The following CPED1 variants were observed in gnomAD, a reference collection of about 807,000 sequenced individuals.
The protein encoded by CPED1 is cadherin like and PC-esterase domain containing 1, also known as cadherin-like and PC-esterase domain-containing protein 1.
CPED1 carries 114 observed loss-of-function variants against 128.2 expected under a neutral mutation model. The ratio of observed to expected loss-of-function variants is 0.89; its 90% CI spans 0.76 to 1.04. The LOEUF (loss-of-function observed/expected upper bound fraction) is 1.04, where lower values mean the gene tolerates loss of function less well. Among genes scored for constraint, CPED1 ranks in the 50% least tolerant of loss-of-function variants. The probability of loss-of-function intolerance (pLI) is 0.00; values close to 1 mark genes in which losing one functional copy is unlikely to be tolerated. For missense variants in CPED1, 1,211 were observed against 1,207.1 expected (o/e 1.00, Z -0.05); for synonymous variants, 462 against 426.7 (o/e 1.08, Z -1.02).
At chr7:121,129,975 A>G (rs1408453147) in intron 11 of CPED1, 150 bp from the exon 12 acceptor site, 2 of 602,510 alleles carry the variant, frequency 3.3e-6, no homozygotes, top group Non-Finnish European at 5.4e-6. Flanking sequence ...TACATCAACA[A>G]CTTTGCAGAA....
intron 14 of CPED1, among the ~76,000 whole-genome samples, chr7:121,140,510 A>T (rs1795876676): frequency 1.3e-5 from 2 of 152,046 alleles, no homozygotes; most frequent in Non-Finnish European, 2.9e-5. Context: ...TATCATGAAA[A>T]TGTTATCAAT....
chr7:121,273,862 G>A (rs1355627345), intron 22 of CPED1, among the ~76,000 whole-genome samples: 2 of 152,096 alleles, frequency 1.3e-5, no homozygotes, highest in South Asian at 2.1e-4. Flanking sequence ...AAATGCAAGG[G>A]CTGTAGCCTG....
chr7:121,152,861 A>G (rs1481944424), intron 16 of CPED1, among the ~76,000 whole-genome samples: 1 of 152,234 alleles, frequency 6.6e-6, no homozygotes, highest in African/African-American at 2.4e-5. Flanking sequence ...TAAATTATAC[A>G]GTACATTTTT....
intron 5 of CPED1, among the ~76,000 whole-genome samples, chr7:121,072,874 C>T (rs954520456): frequency 2.0e-5 from 3 of 152,140 alleles, no homozygotes; most frequent in Admixed American, 1.3e-4. Context: ...GACATTGACT[C>T]AAGAGTATCT....
intron 21 of CPED1, among the ~76,000 whole-genome samples, chr7:121,269,997 A>T (rs1792202114): frequency 6.6e-6 from 1 of 152,026 alleles, no homozygotes; most frequent in Admixed American, 6.6e-5. Flanking sequence ...ATAATGAGAA[A>T]GGGAGAAGGA....
At chr7:121,135,279 A>G (rs1236673863) in intron 13 of CPED1, among the ~76,000 whole-genome samples, 3 of 152,070 alleles carry the variant, frequency 2.0e-5, no homozygotes, top group Non-Finnish European at 4.4e-5. Flanking sequence ...ACCCACCTAT[A>G]TGTCAATAAT....
At position 121,295,516 on chromosome 7, in the gene CPED1, A is replaced by G; in HGVS notation, c.2945A>G (p.Tyr982Cys). The G allele has an allele frequency of 6.2e-7, 1 of 1,614,106 alleles. No individual in the cohort carries two copies. The highest frequency in any genetic ancestry group is 8.5e-7 in the Non-Finnish European group (1 of 1,179,940). Residue 982 changes from tyrosine (Y) to cysteine (C), a missense_variant, in exon 23 of 23, where the codon TAT becomes TGT. Tyr to Cys is a radical substitution (Grantham distance 194, BLOSUM62 -2). Transcript: ENST00000310396. ...TCAAGAAATCATATCATGGGAAGAT[A>G]TTTCAGCAATCAAAGCAAACTACAA... is the stretch of plus-strand genomic sequence containing the variant. ...KRSRNHIMGR[Y>C]FSNQSKLQQG... is the part of the protein sequence containing the mutation.
intron 16 of CPED1, among the ~76,000 whole-genome samples, chr7:121,192,595 ACAAAATGTTT>A (rs1797168685): frequency 6.6e-6 from 1 of 151,972 alleles, no homozygotes; most frequent in Admixed American, 6.6e-5. Context: ...AATATGGTGA[ACAAAATGTTT>A]GGCACATTAT....
chr7:121,159,728 A>G (rs1247750067), intron 16 of CPED1, among the ~76,000 whole-genome samples: 1 of 152,158 alleles, frequency 6.6e-6, no homozygotes, highest in African/African-American at 2.4e-5. Context: ...CTGTTGTTGT[A>G]TATTACTCTT....
intron 7 of CPED1, among the ~76,000 whole-genome samples, chr7:121,114,842 G>A (rs114587134): frequency 1.3e-5 from 2 of 152,192 alleles, no homozygotes; most frequent in African/African-American, 4.8e-5. Flanking sequence ...TAAAAATAAT[G>A]CACTTTTGTA....
chr7:121,015,582 T>C (rs1365655981), intron 2 of CPED1, 83 bp from the exon 3 acceptor site: 3 of 1,236,624 alleles, frequency 2.4e-6, no homozygotes, highest in East Asian at 5.2e-5. Context: ...ACTTCCCAAA[T>C]AGCCCTTGAT....
At chr7:121,205,621 T>TTAAA (rs906811414) in intron 16 of CPED1, among the ~76,000 whole-genome samples, 1 of 151,898 alleles carries the variant, frequency 6.6e-6, no homozygotes, top group Non-Finnish European at 1.5e-5. Flanking sequence ...ACATATTATT[T>TTAAA]TAAATAAATA....
intron 16 of CPED1, among the ~76,000 whole-genome samples, chr7:121,163,376 A>T (rs1396908966): frequency 6.6e-6 from 1 of 152,200 alleles, no homozygotes; most frequent in East Asian, 1.9e-4. Flanking sequence ...TACAGAATTG[A>T]GCTATTGTGG....
intron 2 of CPED1, among the ~76,000 whole-genome samples, chr7:120,994,657 G>GTGTGTGTGTGTGTGTGTGTTGT (rs148572524): frequency 2.3e-4 from 34 of 149,298 alleles, no homozygotes; most frequent in African/African-American, 8.4e-4. Flanking sequence ...GTGTGTGTGT[G>GTGTGTGTGTGTGTGTGTGTTGT]TGTTGTTGTT....
At chr7:121,096,006 G>C (rs942146601) in intron 5 of CPED1, among the ~76,000 whole-genome samples, 2 of 152,018 alleles carry the variant, frequency 1.3e-5, no homozygotes, top group Non-Finnish European at 2.9e-5. Context: ...ACTCTATTTA[G>C]TAAAATTTTA....
At chr7:121,058,281 A>T (rs575768466) in intron 4 of CPED1, among the ~76,000 whole-genome samples, 1 of 152,230 alleles carries the variant, frequency 6.6e-6, no homozygotes, top group South Asian at 2.1e-4. Flanking sequence ...TTTTTACAGG[A>T]TTGCCTTGAT....
intron 16 of CPED1, among the ~76,000 whole-genome samples, chr7:121,235,273 G>GT (rs142408413): frequency 0.016 from 2,366 of 152,104 alleles, 68 homozygotes; most frequent in African/African-American, 0.054. Flanking sequence ...AAACTTTGTG[G>GT]TTTTTTATTG....
chr7:121,184,752 C>T (rs1401447397), intron 16 of CPED1, among the ~76,000 whole-genome samples: 2 of 152,040 alleles, frequency 1.3e-5, no homozygotes, highest in Non-Finnish European at 2.9e-5. Flanking sequence ...GCTTAGTTCT[C>T]ACTGATGGAA....
At chr7:121,293,565 T>G (rs187821348) in intron 22 of CPED1, among the ~76,000 whole-genome samples, 1 of 152,106 alleles carries the variant, frequency 6.6e-6, no homozygotes, top group Non-Finnish European at 1.5e-5. Flanking sequence ...AAAAAAAGCC[T>G]CCTGCAGCTA....
Sources: gnomAD v4.1 joint callset for allele counts (sites outside exome capture counted in the v4.1 genomes callset) on GRCh38, gnomAD v4.1.1 for gene constraint, MANE v1.5 for transcripts, NCBI Gene and HGNC (gene_info 2026-07-23, HGNC 2026-07-21) for gene names.